Variants in PDE4D observed in about 807,000 individuals in gnomAD.
PDE4D encodes 3',5'-cyclic-AMP phosphodiesterase 4D.
Under a neutral mutation model 87.4 loss-of-function variants are expected in PDE4D, and 24 were observed. That is an observed-to-expected ratio of 0.27 (90% CI 0.20 to 0.39). PDE4D has a LOEUF of 0.39. PDE4D is among the 10% of genes least tolerant of loss of function. The pLI, the probability that PDE4D is intolerant of heterozygous loss-of-function variation, is 1.00. For synonymous variants in PDE4D, 384 were observed against 383.2 expected (o/e 1.00, Z -0.02); for missense variants, 714 against 1,041.0 (o/e 0.69, Z 4.32).
At chr5:60,520,111 C>T (rs1750968923) in intron 1 of PDE4D, among the ~76,000 whole-genome samples, 1 of 152,312 alleles carries the variant, frequency 6.6e-6, no homozygotes, top group African/African-American at 2.4e-5. Context: ...CTTCACAGGA[C>T]TTTTAAGAAC....
chr5:58,990,416 A>G (rs1747634042), intron 9 of PDE4D, among the ~76,000 whole-genome samples: 1 of 152,166 alleles, frequency 6.6e-6, no homozygotes, highest in Non-Finnish European at 1.5e-5. Flanking sequence ...GACACAAGAA[A>G]GTGACTGAAA....
intron 1 of PDE4D, among the ~76,000 whole-genome samples, chr5:60,275,763 T>C (rs1258450916): frequency 6.6e-6 from 1 of 152,116 alleles, no homozygotes; most frequent in Non-Finnish European, 1.5e-5. Flanking sequence ...TTAATGTATG[T>C]ATTTGGTACT....
chr5:59,735,686 A>T (rs1185684170), intron 1 of PDE4D, among the ~76,000 whole-genome samples: 1 of 151,736 alleles, frequency 6.6e-6, no homozygotes, highest in African/African-American at 2.4e-5. Flanking sequence ...TTTTTTTTCG[A>T]GACAGAATCT....
chr5:60,244,048 GA>G (rs1747432193), intron 1 of PDE4D, among the ~76,000 whole-genome samples: 1 of 151,842 alleles, frequency 6.6e-6, no homozygotes, highest in Admixed American at 6.6e-5. Context: ...CTCATATTTG[GA>G]AAAACCTAAA....
chr5:59,171,596 A>G (rs1782768563), intron 5 of PDE4D, among the ~76,000 whole-genome samples: 1 of 151,418 alleles, frequency 6.6e-6, no homozygotes, highest in Non-Finnish European at 1.5e-5. Context: ...TTTGTCCTTT[A>G]CTGTTCCCAG....
At chr5:59,806,486 C>A (rs1767748840) in intron 1 of PDE4D, among the ~76,000 whole-genome samples, 1 of 152,168 alleles carries the variant, frequency 6.6e-6, no homozygotes, top group African/African-American at 2.4e-5. Context: ...AACTGAAGGG[C>A]TAATGGAACA....
At chr5:59,949,705 A>C (rs1352920818) in intron 3 of PDE4D, among the ~76,000 whole-genome samples, 1 of 152,168 alleles carries the variant, frequency 6.6e-6, no homozygotes, top group East Asian at 1.9e-4. Context: ...CCCCATAAAA[A>C]GTCACCTGCT....
intron 3 of PDE4D, among the ~76,000 whole-genome samples, chr5:59,968,386 A>G (rs933231577): frequency 6.6e-6 from 1 of 152,124 alleles, no homozygotes; most frequent in South Asian, 2.1e-4. Context: ...ACACGTGGAC[A>G]TATGTATAAA....
At chr5:60,255,184 G>C (rs1239192580) in intron 1 of PDE4D, among the ~76,000 whole-genome samples, 1 of 151,862 alleles carries the variant, frequency 6.6e-6, no homozygotes, top group Non-Finnish European at 1.5e-5. Context: ...AACCAGGGAT[G>C]ATAAGCAAAA....
At chr5:59,732,737 TG>T (rs1239233424) in intron 1 of PDE4D, among the ~76,000 whole-genome samples, 2 of 152,088 alleles carry the variant, frequency 1.3e-5, no homozygotes, top group Admixed American at 6.6e-5. Flanking sequence ...AAGGAAAAAT[TG>T]GAGCTAATTA....
intron 2 of PDE4D, among the ~76,000 whole-genome samples, chr5:60,035,736 AAGTT>A (rs1210021595): frequency 6.6e-6 from 1 of 152,140 alleles, no homozygotes; most frequent in Non-Finnish European, 1.5e-5. Context: ...TCAAATGACC[AAGTT>A]AATTCCTTGG....
At chr5:60,432,678 T>C (rs748611927) in intron 1 of PDE4D, among the ~76,000 whole-genome samples, 1 of 152,188 alleles carries the variant, frequency 6.6e-6, no homozygotes. Flanking sequence ...AACTTCAAAC[T>C]ATACTTCAAT....
intron 1 of PDE4D, among the ~76,000 whole-genome samples, chr5:59,781,417 A>G (rs1764612587): frequency 6.6e-6 from 1 of 152,170 alleles, no homozygotes; most frequent in South Asian, 2.1e-4. Context: ...TTACAATTTA[A>G]TGGTTGCAGA....
At chr5:59,202,405 A>G (rs1227875608) in intron 2 of PDE4D, among the ~76,000 whole-genome samples, 1 of 152,164 alleles carries the variant, frequency 6.6e-6, no homozygotes, top group Admixed American at 6.5e-5. Context: ...TCTGTTGCCC[A>G]GGCTAGAGTG....
At chr5:59,156,574 A>T (rs952022455) in intron 5 of PDE4D, among the ~76,000 whole-genome samples, 1 of 151,756 alleles carries the variant, frequency 6.6e-6, no homozygotes, top group African/African-American at 2.4e-5. Flanking sequence ...CAAAGCCTAT[A>T]ATCTAGAAAT....
At chr5:59,183,497 C>T (rs1742164777) in intron 4 of PDE4D, among the ~76,000 whole-genome samples, 1 of 152,118 alleles carries the variant, frequency 6.6e-6, no homozygotes, top group Non-Finnish European at 1.5e-5. Context: ...CCCAGGTGAC[C>T]ACATGTAAAG....
chr5:59,047,403 G>A (rs1392219194), intron 5 of PDE4D, among the ~76,000 whole-genome samples: 1 of 152,164 alleles, frequency 6.6e-6, no homozygotes, highest in Non-Finnish European at 1.5e-5. Context: ...AGATAAAGAT[G>A]GAGAACTAGT....
intron 1 of PDE4D, among the ~76,000 whole-genome samples, chr5:59,552,296 T>C (rs771510214): frequency 1.3e-5 from 2 of 152,230 alleles, no homozygotes; most frequent in African/African-American, 2.4e-5. Flanking sequence ...AGCTTTCTTA[T>C]ATGTAATTTT....
intron 1 of PDE4D, among the ~76,000 whole-genome samples, chr5:59,365,635 A>G (rs1445891110): frequency 6.6e-6 from 1 of 152,200 alleles, no homozygotes; most frequent in Non-Finnish European, 1.5e-5. Flanking sequence ...TGGAAAGAGC[A>G]CAGGAGAGAT....
Sources: allele counts gnomAD v4.1 joint callset (sites outside exome capture counted in the v4.1 genomes callset), GRCh38; gene constraint gnomAD v4.1.1; transcripts MANE v1.5; gene names NCBI Gene and HGNC (gene_info 2026-07-23, HGNC 2026-07-21).